Variants in PKD1L3 observed in about 807,000 individuals in gnomAD.
PKD1L3 encodes polycystin-1-like protein 3.
PKD1L3 carries 239 observed loss-of-function variants against 184.1 expected under a neutral mutation model. The ratio of observed to expected loss-of-function variants is 1.30; its 90% CI spans 1.17 to 1.45. The LOEUF (loss-of-function observed/expected upper bound fraction) is 1.45. Among genes scored for constraint, PKD1L3 ranks in the 40% most tolerant of loss-of-function variants. The pLI is 0.00. For missense variants in PKD1L3, 2,660 were observed against 2,067.2 expected, an observed-to-expected ratio of 1.29 and a Z score of -5.56; for synonymous variants, 996 against 778.8, an observed-to-expected ratio of 1.28 and a Z score of -4.64.
At chr16:71,954,341 A>T (rs1226170260) in intron 16 of PKD1L3, 40 bp from the exon 17 acceptor site, 4 of 1,433,206 alleles carry the variant, frequency 2.8e-6, no homozygotes, top group Non-Finnish European at 3.7e-6. Flanking sequence ...ATGAGATTTT[A>T]TTCTGAAAGT....
Position 71,986,289 on chromosome 16 carries a change from T to C in PKD1L3, c.766A>G (p.Lys256Glu), listed in dbSNP as rs1211375512. ...QSLAETTSSP[K>E]EEGHPNTFTS... ...AAGGTATTCGGATGACCTTCTTCCTTTGGGCTTGAAGTTGTTTCTGCCAGA... is the reference window on the plus strand; with the variant it reads ...AAGGTATTCGGATGACCTTCTTCCTCTGGGCTTGAAGTTGTTTCTGCCAGA... Residue 256 changes from lysine (K) to glutamate (E), a missense_variant, in exon 5 of 30, where the codon AAG becomes GAG. Physicochemically the swap from Lys to Glu is moderately conservative, Grantham distance 56. Coordinates refer to ENST00000620267, the MANE Select transcript of PKD1L3 (RefSeq NM_181536.2). 7 of 1,552,084 alleles carry C rather than the reference T, an allele frequency of 4.5e-6. No homozygotes were observed. The highest frequency in any genetic ancestry group is 6.1e-6 in the Non-Finnish European group (7 of 1,147,104).
chr16:71,945,264 AAC>A (rs1403676211), intron 22 of PKD1L3, among the ~76,000 whole-genome samples: 127 of 93,510 alleles, frequency 1.4e-3, no homozygotes, highest in Admixed American at 2.8e-3. Flanking sequence ...TGAATTTCTT[AAC>A]TATATATATA....
In PKD1L3 at chr16:71,978,312, C is replaced by T. The variant is rs1235931535; in HGVS notation, c.1470G>A (p.Val490=). The change falls in exon 10 of 30, where the codon GTG becomes GTA. Residue 490 remains valine (V), a synonymous_variant. Coordinates refer to ENST00000620267, the MANE Select transcript of PKD1L3 (RefSeq NM_181536.2). ...NRNIVGSIGS[V]LLSANRKLLQ... is the part of the protein sequence containing the mutation. ...GCAATTTACGATTAGCGCTTAGTAA[C>T]ACACTTCCAATGCTTCCAACAATGT... The T allele has an allele frequency of 2.6e-6, 4 of 1,550,740 alleles. No individual in the cohort carries two copies. The African/African-American group carries it at 4.1e-5, about 16-fold the overall frequency.
intron 2 of PKD1L3, among the ~76,000 whole-genome samples, chr16:71,996,798 G>A (rs773868867): frequency 3.2e-4 from 49 of 152,034 alleles, no homozygotes; most frequent in Admixed American, 6.6e-4. Flanking sequence ...GGACTCCATG[G>A]AATCCAATTC....
chr16:71,991,468 A>C (rs2040587487), intron 3 of PKD1L3, among the ~76,000 whole-genome samples: 1 of 152,254 alleles, frequency 6.6e-6, no homozygotes, highest in Non-Finnish European at 1.5e-5. Flanking sequence ...CAAAAAAAAT[A>C]CTGTAGAAAA....
chr16:71,931,789 C>A (rs369969780), intron 28 of PKD1L3, among the ~76,000 whole-genome samples: 4 of 152,018 alleles, frequency 2.6e-5, no homozygotes, highest in East Asian at 3.9e-4. Flanking sequence ...AAAAATGGCA[C>A]AGTATTTGCA....
chr16:71,968,989 A>G (rs1396641455), intron 13 of PKD1L3, among the ~76,000 whole-genome samples: 1 of 151,322 alleles, frequency 6.6e-6, no homozygotes, highest in African/African-American at 2.4e-5. Flanking sequence ...CAGTGGGGCA[A>G]TCTCGATCTC....
intron 16 of PKD1L3, among the ~76,000 whole-genome samples, chr16:71,962,732 A>G (rs970153198): frequency 1.3e-5 from 2 of 152,064 alleles, no homozygotes; most frequent in South Asian, 2.1e-4. Context: ...TGCCTGCCTC[A>G]GCCTCCCAAA....
intron 9 of PKD1L3, 76 bp downstream of exon 9, chr16:71,979,710 A>G (rs1235505533): frequency 7.7e-6 from 11 of 1,429,250 alleles, no homozygotes; most frequent in Non-Finnish European, 1.0e-5. Flanking sequence ...ATTTCATGAT[A>G]CATTACTTTC....
rs78683183 is a variant in PKD1L3, at chr16:71,935,589, A to T, written c.4453-71T>A. On this transcript the variant is annotated intron_variant, in intron 25 of 29. Transcript: ENST00000620267. ...CTAGGTCTCTCCCTGCTCAAGTGTG[A>T]TGAACGCAGCTGATGTCTGTGGGCA... 607 of 1,432,690 alleles carry T rather than the reference A, an allele frequency of 4.2e-4. 2 individuals are homozygous for T. In the East Asian group the frequency reaches 0.014, roughly 32 times the overall value. The allele number at this position is 1,432,690 out of a possible 1,614,324, so 88.7% of individuals were successfully genotyped here.
At chr16:71,960,181 CA>C (rs894536436) in intron 16 of PKD1L3, among the ~76,000 whole-genome samples, 4 of 148,650 alleles carry the variant, frequency 2.7e-5, no homozygotes, top group African/African-American at 4.9e-5. Context: ...AAAAAAAAAC[CA>C]AAAAAAACTA....
intron 23 of PKD1L3, 73 bp from the exon 24 acceptor site, chr16:71,943,097 T>C: frequency 2.4e-6 from 3 of 1,265,378 alleles, no homozygotes; most frequent in Middle Eastern, 4.3e-4. Flanking sequence ...TTTTCATTTT[T>C]CCTAAGTCTA....
At chr16:71,942,091 G>A (rs1197557781) in intron 24 of PKD1L3, among the ~76,000 whole-genome samples, 1 of 151,842 alleles carries the variant, frequency 6.6e-6, no homozygotes, top group Non-Finnish European at 1.5e-5. Flanking sequence ...AAGGTGGTCA[G>A]TTCACTTGAG....
At chr16:71,931,653 G>T (rs542259579) in intron 28 of PKD1L3, among the ~76,000 whole-genome samples, 2 of 151,608 alleles carry the variant, frequency 1.3e-5, no homozygotes, top group East Asian at 1.9e-4. Flanking sequence ...TAGTAGAGAC[G>T]GGATTTTACC....
chr16:71,972,326 C>T (rs1019860475), intron 12 of PKD1L3, among the ~76,000 whole-genome samples: 13 of 152,252 alleles, frequency 8.5e-5, no homozygotes, highest in African/African-American at 2.9e-4. Context: ...TTGAGCCCAG[C>T]GGGGCAGAGG....
At chr16:71,965,783 A>G (rs1315244220) in intron 15 of PKD1L3, among the ~76,000 whole-genome samples, 1 of 151,982 alleles carries the variant, frequency 6.6e-6, no homozygotes, top group Non-Finnish European at 1.5e-5. Context: ...CAAACTCCTG[A>G]CCTCAAGTGA....
intron 10 of PKD1L3, among the ~76,000 whole-genome samples, 172 bp from the exon 11 acceptor site, chr16:71,977,639 C>T (rs2039984268): frequency 2.7e-5 from 4 of 150,522 alleles, no homozygotes; most frequent in Admixed American, 2.0e-4. Context: ...TCAAGCAATC[C>T]TCCCGCTTCA....
Position 71,949,893 on chromosome 16 carries a change from A to G in PKD1L3, c.3508T>C (p.Phe1170Leu), listed in dbSNP as rs971355080. Reference sequence around the variant, plus strand: ...TCCAAGCTATAAAGTGCTGTAAAAAAGGCTGAAGCCAGGCTAGTGAAACCT... The same window carrying G: ...TCCAAGCTATAAAGTGCTGTAAAAAGGGCTGAAGCCAGGCTAGTGAAACCT... Reference protein sequence around the residue: ...LLGFTSLASAFFTALYSLELS... With the variant: ...LLGFTSLASALFTALYSLELS... Residue 1170 changes from phenylalanine to leucine, a missense_variant, in exon 21 of 30, where the codon TTT (phenylalanine) becomes CTT (leucine). By Grantham distance (22) the Phe-to-Leu change is conservative. Transcript: ENST00000620267. The G allele has an allele frequency of 1.3e-5, 20 of 1,551,576 alleles. No homozygotes were observed. Among genetic ancestry groups the G allele is most frequent in the East Asian group, 2.4e-5 (1 of 40,932 alleles).
At chr16:71,974,598 C>T (rs1399228938) in intron 11 of PKD1L3, among the ~76,000 whole-genome samples, 3 of 152,126 alleles carry the variant, frequency 2.0e-5, no homozygotes, top group Admixed American at 6.6e-5. Context: ...GCATGAGAAT[C>T]GCTTGAGCCC....
Sources: gnomAD v4.1 joint callset for allele counts (sites outside exome capture counted in the v4.1 genomes callset) on GRCh38, gnomAD v4.1.1 for gene constraint, MANE v1.5 for transcripts, NCBI Gene and HGNC (gene_info 2026-07-23, HGNC 2026-07-21) for gene names.